Variants in DCAF1 observed in about 807,000 individuals in gnomAD.
DCAF1 encodes the protein DDB1 and CUL4 associated factor 1, also known as DDB1- and CUL4-associated factor 1.
DCAF1 carries 15 observed loss-of-function variants against 128.0 expected under a neutral mutation model. The observed-to-expected ratio is 0.12, with a 90% CI of 0.08 to 0.18. DCAF1 has a LOEUF of 0.18. DCAF1 is among the 10% of genes least tolerant of loss of function. The pLI is 1.00. For synonymous variants in DCAF1, 610 were observed against 603.0 expected, an observed-to-expected ratio of 1.01 and a Z score of -0.17; for missense variants, 988 against 1,649.5, an observed-to-expected ratio of 0.60 and a Z score of 6.95.
At chr3:51,437,623 G>A (rs1700970859) in intron 9 of DCAF1, among the ~76,000 whole-genome samples, 1 of 152,138 alleles carries the variant, frequency 6.6e-6, no homozygotes, top group African/African-American at 2.4e-5. Flanking sequence ...AGAGTAGCTT[G>A]GGCATTATAA....
intron 11 of DCAF1, 122 bp from the exon 12 acceptor site, chr3:51,429,592 A>G: frequency 1.6e-6 from 1 of 637,264 alleles, no homozygotes; most frequent in Non-Finnish European, 2.8e-6. Flanking sequence ...TATTCTGCTT[A>G]TGTATCAGTA....
At chr3:51,461,733 T>C (rs1460565448) in intron 6 of DCAF1, among the ~76,000 whole-genome samples, 8 of 152,108 alleles carry the variant, frequency 5.3e-5, no homozygotes, top group Admixed American at 1.3e-4. Flanking sequence ...TATGCAGCCA[T>C]AAAAAATGAT....
intron 3 of DCAF1, among the ~76,000 whole-genome samples, chr3:51,480,518 G>C (rs1226052170): frequency 6.8e-6 from 1 of 146,144 alleles, no homozygotes; most frequent in Non-Finnish European, 1.5e-5. Context: ...AGAATTGCTT[G>C]AAGCCAGGAG....
intron 6 of DCAF1, among the ~76,000 whole-genome samples, chr3:51,447,599 T>C (rs1553640540): frequency 3.3e-5 from 5 of 152,204 alleles, no homozygotes. Flanking sequence ...TGACATGTTA[T>C]GAAGAATTTT....
intron 10 of DCAF1, among the ~76,000 whole-genome samples, chr3:51,430,954 A>T (rs782434305): frequency 2.6e-5 from 4 of 152,202 alleles, no homozygotes; most frequent in Non-Finnish European, 5.9e-5. Flanking sequence ...GGATCACAGG[A>T]GCCCATCGCT....
At chr3:51,431,633 T>G (rs1276991129) in intron 10 of DCAF1, among the ~76,000 whole-genome samples, 4 of 151,822 alleles carry the variant, frequency 2.6e-5, no homozygotes, top group African/African-American at 9.7e-5. Flanking sequence ...TTTTATTATC[T>G]CCATAACAAA....
In DCAF1 at chr3:51,402,308, G is replaced by A. The variant is rs922197508; in HGVS notation, c.4465+835C>T. ...ATTTCTTTATAATTCACCCCAAAAAGAACAGCACCCCATGAGGGGCTGCTT... is the reference window on the plus strand; with the variant it reads ...ATTTCTTTATAATTCACCCCAAAAAAAACAGCACCCCATGAGGGGCTGCTT... On this transcript the variant is annotated intron_variant, in intron 24 of 24. Transcript: ENST00000684031. Among the ~76,000 whole-genome samples, 6 of 152,226 alleles carry A rather than the reference G, an allele frequency of 3.9e-5. No individual in the cohort carries two copies. In the South Asian group the frequency reaches 6.2e-4, roughly 16 times the overall value.
upstream of DCAF1, among the ~76,000 whole-genome samples, chr3:51,504,245 C>T (rs1388677952): frequency 6.6e-6 from 1 of 151,954 alleles, no homozygotes; most frequent in African/African-American, 2.4e-5. Flanking sequence ...ACTGTGTTAA[C>T]CAGGATGGTC....
At chr3:51,403,470 A>T in intron 23 of DCAF1, 75 bp from the exon 24 acceptor site, 2 of 1,520,836 alleles carry the variant, frequency 1.3e-6, no homozygotes, top group Non-Finnish European at 1.8e-6. Context: ...CGGGTCGACC[A>T]AAGAGACAGG....
chr3:51,454,894 C>T (rs1259733410), intron 6 of DCAF1, among the ~76,000 whole-genome samples: 1 of 150,792 alleles, frequency 6.6e-6, no homozygotes, highest in Non-Finnish European at 1.5e-5. Context: ...AGGATGGTCT[C>T]GATCTCCTAA....
At chr3:51,409,205 T>A (rs1365329678) in intron 23 of DCAF1, among the ~76,000 whole-genome samples, 1 of 152,214 alleles carries the variant, frequency 6.6e-6, no homozygotes, top group Non-Finnish European at 1.5e-5. Context: ...GACCCAAGCC[T>A]TCCTGGAGAG....
intron 9 of DCAF1, chr3:51,438,096 CA>C: frequency 6.9e-6 from 3 of 436,282 alleles, no homozygotes; most frequent in Non-Finnish European, 4.4e-6. Context: ...TCTGCATGCC[CA>C]AAATTTCCCT....
intron 9 of DCAF1, among the ~76,000 whole-genome samples, chr3:51,433,663 A>C (rs1700570778): frequency 6.6e-6 from 1 of 151,278 alleles, no homozygotes; most frequent in South Asian, 2.1e-4. Flanking sequence ...GGGTTTCACC[A>C]TGTTGGCCAG....
chr3:51,408,001 A>AAAAAC (rs1698050578), intron 23 of DCAF1, among the ~76,000 whole-genome samples: 1 of 148,948 alleles, frequency 6.7e-6, no homozygotes, highest in African/African-American at 2.4e-5. Context: ...AAAAAAAAAA[A>AAAAAC]AAAAAAAACA....
At chr3:51,455,118 A>G (rs782153080) in intron 6 of DCAF1, among the ~76,000 whole-genome samples, 9 of 152,174 alleles carry the variant, frequency 5.9e-5, no homozygotes, top group Non-Finnish European at 1.0e-4. Context: ...CATGAATGTA[A>G]AGCTCTCATG....
chr3:51,479,281 T>C (rs1705867764), intron 3 of DCAF1, among the ~76,000 whole-genome samples: 1 of 149,516 alleles, frequency 6.7e-6, no homozygotes, highest in Admixed American at 6.7e-5. Flanking sequence ...GCAGGTGGAT[T>C]GCCTGAGTCC....
chr3:51,479,604 C>T (rs1577286088), intron 3 of DCAF1, among the ~76,000 whole-genome samples: 1 of 151,978 alleles, frequency 6.6e-6, no homozygotes, highest in East Asian at 1.9e-4. Flanking sequence ...CTAGCTAACA[C>T]GGTGAAACCT....
chr3:51,479,947 A>G (rs782403153), intron 3 of DCAF1, among the ~76,000 whole-genome samples: 2 of 152,026 alleles, frequency 1.3e-5, no homozygotes, highest in African/African-American at 4.8e-5. Flanking sequence ...TGGGAGACCA[A>G]CGTAGAAGGA....
At position 51,441,881 on chromosome 3, in the gene DCAF1, C is replaced by A; in HGVS notation, c.530G>T (p.Arg177Leu). The A allele has an allele frequency of 6.2e-7, 1 of 1,606,674 alleles. No individual in the cohort carries two copies. The highest frequency in any genetic ancestry group is 8.5e-7 in the Non-Finnish European group (1 of 1,178,944). Residue 177 changes from arginine (R) to leucine (L), a missense_variant, in exon 8 of 25, where the codon CGA becomes CTA. Arg to Leu is a moderately radical substitution (Grantham distance 102, BLOSUM62 -2). Transcript: ENST00000684031. ...CTGTAGCTGTAGCTCCCTCAGTCTT[C>A]GAAGCACTATTGCCACCTATCAACA... The part of the protein sequence containing the change: ...ENSQLVAIVL[R>L]RLRELQLQEV...
Sources: gnomAD v4.1 joint callset for allele counts (sites outside exome capture counted in the v4.1 genomes callset) on GRCh38, gnomAD v4.1.1 for gene constraint, MANE v1.5 for transcripts, NCBI Gene and HGNC (gene_info 2026-07-23, HGNC 2026-07-21) for gene names.